GNG7: variants seen among roughly 807,000 people sequenced by gnomAD.
The protein encoded by GNG7 is guanine nucleotide-binding protein G(I)/G(S)/G(O) subunit gamma-7.
In GNG7, 1 loss-of-function variant was observed where a neutral mutation model predicts 4.0. That is an observed-to-expected ratio of 0.25 (90% CI 0.09 to 1.18). GNG7 has a LOEUF of 1.18. Among genes scored for constraint, GNG7 ranks in the 50% most tolerant of loss-of-function variants. The pLI is 0.50. For missense variants in GNG7, 86 were observed against 91.9 expected (o/e 0.94, Z 0.26); for synonymous variants, 34 against 36.9 (o/e 0.92, Z 0.29).
chr19:2,518,243 T>TC (rs35473354), intron 4 of GNG7, among the ~76,000 whole-genome samples: 46,151 of 150,704 alleles, frequency 0.31, 7,363 homozygotes, highest in African/African-American at 0.41. Flanking sequence ...AAATCCTGGC[T>TC]CCCCCCGAGG....
chr19:2,662,259 C>CAAAA (rs5826780), intron 1 of GNG7, among the ~76,000 whole-genome samples: 2 of 73,650 alleles, frequency 2.7e-5, no homozygotes, highest in African/African-American at 5.1e-5. Flanking sequence ...GACTCCATCT[C>CAAAA]AAAAAAAAAA....
chr19:2,642,721 T>C (rs1982541193), intron 2 of GNG7: 1 of 447,294 alleles, frequency 2.2e-6, no homozygotes, highest in Non-Finnish European at 4.5e-6. Context: ...CTCAAACTCC[T>C]GGGCTCAAGC....
chr19:2,523,871 T>C (rs2144730909), intron 3 of GNG7, among the ~76,000 whole-genome samples: 1 of 152,254 alleles, frequency 6.6e-6, no homozygotes, highest in Admixed American at 6.5e-5. Context: ...CTCCTTGGTT[T>C]CCAGCAGACG....
chr19:2,555,714 T>C (rs1184992269), intron 2 of GNG7, among the ~76,000 whole-genome samples: 1 of 151,998 alleles, frequency 6.6e-6, no homozygotes, highest in Non-Finnish European at 1.5e-5. Flanking sequence ...GGGTCTCATG[T>C]GAGCCGCCCA....
At chr19:2,638,741 T>TGGGGA (rs929776220) in intron 2 of GNG7, among the ~76,000 whole-genome samples, 5 of 74,228 alleles carry the variant, frequency 6.7e-5, no homozygotes, top group African/African-American at 1.0e-4. Flanking sequence ...CAGCATCCCC[T>TGGGGA]GGGGAGGGGA....
intron 3 of GNG7, among the ~76,000 whole-genome samples, chr19:2,542,455 C>T (rs1344353337): frequency 6.6e-6 from 1 of 151,974 alleles, no homozygotes; most frequent in Non-Finnish European, 1.5e-5. Context: ...ATGTTTATTA[C>T]TGACAGCCAG....
rs1030861411 is a variant in GNG7 at position 2,653,495 on chromosome 19, C to T, written c.-134-7215G>A. Among the ~76,000 whole-genome samples the T allele has an allele frequency of 6.6e-6, 1 of 152,184 alleles. No individual in the cohort carries two copies. Among genetic ancestry groups the T allele is most frequent in the Middle Eastern group, 3.2e-3 (1 of 316 alleles). ...GCTGGGGGGCCCCCCTGGTTTATAC[C>T]GTCTTCCCCATCAGGAGTTTATCCT... On this transcript the variant is annotated intron_variant, in intron 1 of 4. Transcript: ENST00000382159. The surrounding 1 kb of genome is among the most constrained non-coding windows in gnomAD (Gnocchi z 4.8).
chr19:2,521,761 G>C (rs1226491479), intron 3 of GNG7, among the ~76,000 whole-genome samples: 1 of 151,638 alleles, frequency 6.6e-6, no homozygotes, highest in East Asian at 1.9e-4. Flanking sequence ...TTACAGGCAC[G>C]TGCCACCACA....
rs1427807552 is a variant in GNG7 at position 2,557,598 on chromosome 19, T to C, written c.-77-2410A>G. Among the ~76,000 whole-genome samples, 1 of 141,864 alleles carries C rather than the reference T, an allele frequency of 7.0e-6. No homozygotes were observed. Among genetic ancestry groups the C allele is most frequent in the Non-Finnish European group, 1.5e-5 (1 of 65,666 alleles). 93.1% of individuals were successfully genotyped at this position (141,864 alleles called of 152,430 possible). A position where few individuals can be genotyped will look rare whatever the true frequency, so the allele number is the denominator to read the frequency against. On this transcript the variant is annotated intron_variant, in intron 2 of 4. Transcript: ENST00000382159. The surrounding 1 kb of genome is among the most constrained non-coding windows in gnomAD (Gnocchi z 5.1). ...ACCGTGATAGAGAAAGACGGGAAGT[T>C]AGACTTCTGACCCATCACAAACTCT...
chr19:2,632,346 T>G (rs1982180605), intron 2 of GNG7, among the ~76,000 whole-genome samples: 1 of 151,808 alleles, frequency 6.6e-6, no homozygotes, highest in African/African-American at 2.4e-5. Flanking sequence ...GGAGAATTGC[T>G]TGAACCCGGG....
chr19:2,650,537 C>T (rs553398197), intron 1 of GNG7, among the ~76,000 whole-genome samples: 1 of 152,284 alleles, frequency 6.6e-6, no homozygotes. Flanking sequence ...CACTGCAAAC[C>T]TCCCTGTCCC....
chr19:2,591,574 A>G (rs1023459695), intron 2 of GNG7, among the ~76,000 whole-genome samples: 34 of 151,606 alleles, frequency 2.2e-4, no homozygotes, highest in African/African-American at 8.0e-4. Flanking sequence ...AGTTGGGGGA[A>G]AGTCTATCCC....
intron 3 of GNG7, among the ~76,000 whole-genome samples, chr19:2,523,230 G>A (rs1316213146): frequency 1.3e-5 from 2 of 151,908 alleles, no homozygotes; most frequent in African/African-American, 4.8e-5. Flanking sequence ...GAGGGGCAGG[G>A]GCTGGGAGGG....
At chr19:2,668,032 G>A (rs1280996288) in intron 1 of GNG7, among the ~76,000 whole-genome samples, 3 of 152,162 alleles carry the variant, frequency 2.0e-5, no homozygotes, top group Admixed American at 2.0e-4. Flanking sequence ...GGAAACTGAG[G>A]AAATCTGAAC....
intron 2 of GNG7, among the ~76,000 whole-genome samples, chr19:2,635,863 G>A (rs556604912): frequency 6.6e-6 from 1 of 152,208 alleles, no homozygotes; most frequent in Admixed American, 6.5e-5. Flanking sequence ...GATTACAGGT[G>A]TGAGCCACCG....
At position 2,665,635 on chromosome 19, in the gene GNG7, C is replaced by G. The variant is rs115749899; in HGVS notation, c.-134-19355G>C. On this transcript the variant is annotated intron_variant, in intron 1 of 4. Coordinates refer to ENST00000382159, the MANE Select transcript of GNG7 (RefSeq NM_052847.3). ...CAAGAGCTACTCCATTCTGACTTCA[C>G]GACTCGCTGTCTGGCTGGGTGACCT... is the stretch of plus-strand genomic sequence containing the variant. Among the ~76,000 whole-genome samples, 1,522 of 152,282 alleles carry G rather than the reference C, an allele frequency of 1.0e-2. 21 individuals carry two copies. The highest frequency in any genetic ancestry group is 0.035 in the African/African-American group (1,459 of 41,560).
chr19:2,558,076 C>G (rs935981185), intron 2 of GNG7, among the ~76,000 whole-genome samples: 1 of 151,900 alleles, frequency 6.6e-6, no homozygotes, highest in Non-Finnish European at 1.5e-5. Context: ...CTCCTGACCT[C>G]GTGATCCGCC....
intron 2 of GNG7, among the ~76,000 whole-genome samples, chr19:2,569,015 GCAGACACA>G (rs1980060215): frequency 6.6e-6 from 1 of 150,564 alleles, no homozygotes; most frequent in Admixed American, 6.6e-5. Flanking sequence ...ATACACACAA[GCAGACACA>G]TATACACAAA....
chr19:2,577,106 G>T (rs2965210), intron 2 of GNG7, among the ~76,000 whole-genome samples: 162 of 152,366 alleles, frequency 1.1e-3, no homozygotes, highest in Non-Finnish European at 1.9e-3. Context: ...GCAAGCTGGG[G>T]CTGTGGGGCA....
Sources: allele counts gnomAD v4.1 joint callset (sites outside exome capture counted in the v4.1 genomes callset), GRCh38; gene constraint gnomAD v4.1.1; non-coding constraint Gnocchi (gnomAD v3.1); transcripts MANE v1.5; gene names NCBI Gene and HGNC (gene_info 2026-07-23, HGNC 2026-07-21).